The following PTPRD variants were observed in gnomAD, a reference collection of about 807,000 sequenced individuals.
The protein encoded by PTPRD is protein tyrosine phosphatase receptor type D, also known as receptor-type tyrosine-protein phosphatase delta.
PTPRD carries 34 observed loss-of-function variants against 214.5 expected under a neutral mutation model. The observed-to-expected ratio is 0.16, with a 90% CI of 0.12 to 0.21. PTPRD has a LOEUF of 0.21. PTPRD is among the 10% of genes least tolerant of loss of function. The probability of loss-of-function intolerance (pLI) is 1.00; values close to 1 mark genes in which losing one functional copy is unlikely to be tolerated. For synonymous variants in PTPRD, 1,128 were observed against 845.7 expected, an observed-to-expected ratio of 1.33 and a Z score of -5.79; for missense variants, 2,545 against 2,398.7, an observed-to-expected ratio of 1.06 and a Z score of -1.27.
At chr9:8,467,845 T>C (rs983243113) in intron 31 of PTPRD, among the ~76,000 whole-genome samples, 5 of 151,954 alleles carry the variant, frequency 3.3e-5, no homozygotes, top group Admixed American at 1.3e-4. Context: ...TTACACAGCT[T>C]ATTGTTGATA....
intron 11 of PTPRD, among the ~76,000 whole-genome samples, chr9:8,771,506 G>C (rs544410108): frequency 1.3e-5 from 2 of 152,264 alleles, no homozygotes; most frequent in South Asian, 2.1e-4. Flanking sequence ...GTGTAGTATA[G>C]TGACACACGG....
At chr9:9,017,750 A>G (rs892782015) in intron 11 of PTPRD, among the ~76,000 whole-genome samples, 2 of 152,192 alleles carry the variant, frequency 1.3e-5, no homozygotes, top group African/African-American at 4.8e-5. Context: ...AATGAAATAG[A>G]TAAAAATATT....
intron 11 of PTPRD, among the ~76,000 whole-genome samples, chr9:8,779,814 GTTTTTTT>G (rs369478924): frequency 2.3e-5 from 3 of 128,468 alleles, no homozygotes; most frequent in African/African-American, 5.7e-5. Flanking sequence ...TGTTTTGTTG[GTTTTTTT>G]TTTTTTTTTT....
At chr9:10,217,595 A>G (rs923328250) in intron 3 of PTPRD, among the ~76,000 whole-genome samples, 9 of 152,010 alleles carry the variant, frequency 5.9e-5, no homozygotes, top group African/African-American at 2.2e-4. Flanking sequence ...CTCAGTTAGT[A>G]CTTGAGATGA....
chr9:8,931,543 T>C (rs1002287995), intron 11 of PTPRD, among the ~76,000 whole-genome samples: 3 of 152,310 alleles, frequency 2.0e-5, no homozygotes, highest in East Asian at 1.9e-4. Flanking sequence ...ATCTATAAAT[T>C]ACCTTGGGCA....
At position 10,501,661 on chromosome 9, in the gene PTPRD, A is replaced by G. The variant is rs149038779; in HGVS notation, c.-600+110737T>C. ...AATTAGACAAAGGGACAGTATTCTT[A>G]AGAATATATTATTTGTTCTTCACTG... On this transcript the variant is annotated intron_variant, in intron 2 of 45. Transcript: ENST00000381196. 1.3e-3 allele frequency among the ~76,000 whole-genome samples: 201 copies of G among 152,132 alleles called. 3 individuals carry two copies. The highest frequency in any genetic ancestry group is 4.6e-3 in the African/African-American group (192 of 41,548).
chr9:8,603,248 G>T (rs1400149130), intron 14 of PTPRD, among the ~76,000 whole-genome samples: 1 of 139,146 alleles, frequency 7.2e-6, no homozygotes. Flanking sequence ...ACAGACATCA[G>T]CTGGGGAACT....
intron 8 of PTPRD, among the ~76,000 whole-genome samples, chr9:9,507,233 G>A (rs1363474330): frequency 1.3e-5 from 2 of 151,084 alleles, no homozygotes; most frequent in Non-Finnish European, 3.0e-5. Context: ...AAAGAAGCAA[G>A]GATATACAAT....
At chr9:9,995,776 T>C (rs1356956500) in intron 4 of PTPRD, among the ~76,000 whole-genome samples, 1 of 152,202 alleles carries the variant, frequency 6.6e-6, no homozygotes, top group East Asian at 1.9e-4. Flanking sequence ...TGTTGCTATT[T>C]ATTTGATACT....
chr9:9,064,397 G>T (rs1242266376), intron 10 of PTPRD, among the ~76,000 whole-genome samples: 1 of 152,068 alleles, frequency 6.6e-6, no homozygotes, highest in African/African-American at 2.4e-5. Flanking sequence ...ATTTTATGTA[G>T]TCAGAGAAAT....
In PTPRD at chr9:9,139,429, T is replaced by C. The variant is rs116852553; in HGVS notation, c.-143+43875A>G. Among the ~76,000 whole-genome samples, 64 of 152,294 alleles carry C rather than the reference T, an allele frequency of 4.2e-4. 2 individuals are homozygous for C. The East Asian group carries it at 0.011, about 27-fold the overall frequency. On this transcript the variant is annotated intron_variant, in intron 10 of 45. Transcript: ENST00000381196. ...AGACTTAACTGTACTTACATCCCTA[T>C]GATAGAGTTTAATTTATAAGTTAGG...
intron 7 of PTPRD, among the ~76,000 whole-genome samples, chr9:9,607,691 G>A (rs1041282005): frequency 2.7e-5 from 4 of 150,906 alleles, no homozygotes; most frequent in African/African-American, 9.8e-5. Flanking sequence ...TCAAGAGTCA[G>A]TTACCACTAT....
chr9:9,500,898 A>G (rs1046529605), intron 8 of PTPRD, among the ~76,000 whole-genome samples: 8 of 151,926 alleles, frequency 5.3e-5, no homozygotes, highest in African/African-American at 1.9e-4. Flanking sequence ...TTTTTATACT[A>G]CTCTATTTTA....
chr9:9,944,416 A>T (rs1415538452), intron 4 of PTPRD, among the ~76,000 whole-genome samples: 4 of 152,170 alleles, frequency 2.6e-5, no homozygotes, highest in Admixed American at 6.6e-5. Flanking sequence ...ATACAGGAGT[A>T]CAAATAAAAT....
rs1306067936 is a variant in PTPRD, at chr9:10,355,238, T to C, written c.-599-14221A>G. Reference sequence around the variant, plus strand: ...ATGTATCTTGGTATTTAATAGAGCATTGTGTGAAATTTGTCTTCTTGGGAT... The same window carrying C: ...ATGTATCTTGGTATTTAATAGAGCACTGTGTGAAATTTGTCTTCTTGGGAT... On this transcript the variant is annotated intron_variant, in intron 2 of 45. Transcript: ENST00000381196. Among the ~76,000 whole-genome samples, 3 of 152,260 alleles carry C rather than the reference T, an allele frequency of 2.0e-5. No homozygotes were observed. The East Asian group carries it at 5.8e-4, about 29-fold the overall frequency.
At chr9:9,864,452 A>G (rs1328436368) in intron 5 of PTPRD, among the ~76,000 whole-genome samples, 1 of 152,174 alleles carries the variant, frequency 6.6e-6, no homozygotes, top group Non-Finnish European at 1.5e-5. Context: ...TCTGCAAAGT[A>G]TGATCAGAAA....
intron 5 of PTPRD, among the ~76,000 whole-genome samples, chr9:9,856,702 C>T (rs917089241): frequency 6.6e-6 from 1 of 151,994 alleles, no homozygotes; most frequent in Non-Finnish European, 1.5e-5. Context: ...TTAAAGCTGT[C>T]CCAATTTTCT....
At chr9:9,227,487 T>G (rs1193643635) in intron 9 of PTPRD, among the ~76,000 whole-genome samples, 1 of 152,098 alleles carries the variant, frequency 6.6e-6, no homozygotes, top group African/African-American at 2.4e-5. Flanking sequence ...CTTAAAAACA[T>G]TATGTCCACA....
chr9:9,470,993 T>C (rs1457597992), intron 8 of PTPRD, among the ~76,000 whole-genome samples: 2 of 152,170 alleles, frequency 1.3e-5, no homozygotes, highest in Non-Finnish European at 2.9e-5. Flanking sequence ...AGAATTCCAA[T>C]GGGTGCAGCC....
Sources: gnomAD v4.1 joint callset for allele counts (sites outside exome capture counted in the v4.1 genomes callset) on GRCh38, gnomAD v4.1.1 for gene constraint, MANE v1.5 for transcripts, NCBI Gene and HGNC (gene_info 2026-07-23, HGNC 2026-07-21) for gene names.